The following NAMPT variants were observed in gnomAD, a reference collection of about 807,000 sequenced individuals.
NAMPT encodes the protein nicotinamide phosphoribosyltransferase.
A neutral mutation model predicts 58.7 loss-of-function variants in NAMPT; 7 were observed. That is an observed-to-expected ratio of 0.12 (90% CI 0.07 to 0.22). NAMPT has a LOEUF of 0.22. Among genes scored for constraint, NAMPT ranks in the 10% least tolerant of loss-of-function variants. NAMPT has a pLI of 1.00. For synonymous variants in NAMPT, 145 were observed against 198.1 expected (o/e 0.73, Z 2.25); for missense variants, 271 against 567.9 (o/e 0.48, Z 5.31).
intron 6 of NAMPT, among the ~76,000 whole-genome samples, chr7:106,268,179 C>T (rs1030361645): frequency 6.6e-6 from 1 of 151,986 alleles, no homozygotes; most frequent in Non-Finnish European, 1.5e-5. Context: ...AATCTACCTA[C>T]ATATGACAAT....
chr7:106,281,192 T>C (rs538001862), intron 1 of NAMPT, among the ~76,000 whole-genome samples: 6 of 151,850 alleles, frequency 4.0e-5, no homozygotes, highest in Non-Finnish European at 8.8e-5. Context: ...CAAGGCTAAA[T>C]ATCCTTGTTC....
intron 1 of NAMPT, among the ~76,000 whole-genome samples, chr7:106,279,122 A>T (rs546736540): frequency 2.6e-5 from 4 of 151,972 alleles, no homozygotes; most frequent in Admixed American, 2.6e-4. Flanking sequence ...AATATTTATA[A>T]TTTTAAAGCT....
intron 6 of NAMPT, chr7:106,268,212 T>C (rs1206470774): frequency 3.5e-6 from 1 of 285,100 alleles, no homozygotes; most frequent in African/African-American, 2.2e-5. Flanking sequence ...AAAAAATTCC[T>C]TAAAAGAAAA....
At chr7:106,276,891 G>T (rs1475671667) in intron 2 of NAMPT, 132 bp downstream of exon 2, 3 of 683,986 alleles carry the variant, frequency 4.4e-6, no homozygotes, top group Non-Finnish European at 7.2e-6. Flanking sequence ...CTCATACTTA[G>T]AACATCAAAC....
chr7:106,269,771 T>A (rs1792497243), intron 4 of NAMPT, among the ~76,000 whole-genome samples: 1 of 152,188 alleles, frequency 6.6e-6, no homozygotes, highest in Non-Finnish European at 1.5e-5. Flanking sequence ...AAATAGGGCA[T>A]GAACCAGCAT....
At chr7:106,275,081 C>A (rs780696820) in intron 2 of NAMPT, 32 bp from the exon 3 acceptor site, 2 of 1,367,094 alleles carry the variant, frequency 1.5e-6, no homozygotes, top group South Asian at 2.4e-5. Flanking sequence ...GTTTACATTT[C>A]TAAAGGTGCA....
rs1230662333 is a variant in NAMPT, at chr7:106,250,106, T to TTTTTTA, written c.*976_*977insTAAAAA. ...TAAAAAATATAACAGAATTGAAACA[T>TTTTTTA]TTAAGTACACTCACTACCCACTCCA... On this transcript the variant is annotated 3_prime_UTR_variant, in exon 11 of 11. Transcript: ENST00000222553. The TTTTTTA allele has an allele frequency of 7.2e-5, 11 of 152,448 alleles. No homozygotes were observed. Among genetic ancestry groups the TTTTTTA allele is most frequent in the African/African-American group, 1.7e-4 (7 of 41,416 alleles). 9.4% of individuals were successfully genotyped at this position (152,448 alleles called of 1,614,324 possible). A position where few individuals can be genotyped will look rare whatever the true frequency, so the allele number is the denominator to read the frequency against.
chr7:106,261,393 G>A, intron 8 of NAMPT, 195 bp downstream of exon 8: 1 of 459,868 alleles, frequency 2.2e-6, no homozygotes, highest in Non-Finnish European at 3.9e-6. Flanking sequence ...AACTGGAAGA[G>A]TAAGTATGGC....
intron 1 of NAMPT, among the ~76,000 whole-genome samples, chr7:106,278,807 TAGA>T (rs1455644286): frequency 6.6e-6 from 1 of 152,204 alleles, no homozygotes; most frequent in African/African-American, 2.4e-5. Flanking sequence ...AGTAGTGAGA[TAGA>T]AGAAAAGCAC....
rs550490870 is a variant in NAMPT at position 106,267,190 on chromosome 7, A to G, written c.743+1274T>C. Among the ~76,000 whole-genome samples the G allele has an allele frequency of 3.3e-5, 5 of 152,368 alleles. No homozygotes were observed. In the East Asian group the frequency reaches 7.7e-4, roughly 23 times the overall value. ...TTCTTGATCCTGCTAGTGAAGGAAT[A>G]TGATTCTTCCTCTCCTTCCCTTGCA... On this transcript the variant is annotated intron_variant, in intron 6 of 10. Transcript: ENST00000222553.
chr7:106,284,866 C>G lies in NAMPT; in HGVS notation c.19G>C (p.Ala7Pro). 6.3e-7 allele frequency: 1 copy of G among 1,582,606 alleles called. No homozygotes were observed. Among genetic ancestry groups the G allele is most frequent in the Non-Finnish European group, 8.6e-7 (1 of 1,163,712 alleles). ...GTGGCCAGGAGGATGTTGAACTCGGCTTCTGCCGCAGGATTCATCTCGGGC... is the reference window on the plus strand; with the variant it reads ...GTGGCCAGGAGGATGTTGAACTCGGGTTCTGCCGCAGGATTCATCTCGGGC... MNPAAE[A>P]EFNILLATDS... The change falls in exon 1 of 11, where the codon GCC becomes CCC. Residue 7 changes from alanine to proline, a missense_variant. Ala to Pro is a conservative substitution (Grantham distance 27, BLOSUM62 -1). This residue lies in a region of NAMPT where 23 missense variants were observed against 16.4 expected (regional missense o/e 1.40). Coordinates refer to ENST00000222553, the MANE Select transcript of NAMPT (RefSeq NM_005746.3).
intron 1 of NAMPT, among the ~76,000 whole-genome samples, chr7:106,279,985 G>A (rs1197626204): frequency 2.6e-5 from 4 of 152,060 alleles, no homozygotes; most frequent in Non-Finnish European, 5.9e-5. Flanking sequence ...ACACGATAAG[G>A]TCAGAGGTAG....
At chr7:106,269,059 C>A in intron 5 of NAMPT, 95 bp downstream of exon 5, 1 of 1,199,884 alleles carries the variant, frequency 8.3e-7, no homozygotes. Flanking sequence ...AATTTTAGAA[C>A]CAAGATCAAT....
At chr7:106,262,621 C>CT (rs1792326626) in intron 7 of NAMPT, among the ~76,000 whole-genome samples, 1 of 152,098 alleles carries the variant, frequency 6.6e-6, no homozygotes, top group Admixed American at 6.6e-5. Context: ...TGCTCATTAA[C>CT]TGACAAATGG....
intron 6 of NAMPT, 123 bp from the exon 7 acceptor site, chr7:106,263,740 C>G: frequency 1.3e-6 from 1 of 772,314 alleles, no homozygotes; most frequent in South Asian, 1.7e-5. Context: ...AGGTGAGTGA[C>G]TTAGTTTAAT....
At chr7:106,254,598 C>A (rs768721391) in intron 8 of NAMPT, 94 bp from the exon 9 acceptor site, 10 of 1,362,722 alleles carry the variant, frequency 7.3e-6, no homozygotes, top group African/African-American at 2.9e-5. Flanking sequence ...AATGAAGCAT[C>A]CAAGACTGTT....
intron 8 of NAMPT, among the ~76,000 whole-genome samples, chr7:106,255,233 C>A (rs1792179775): frequency 6.6e-6 from 1 of 152,148 alleles, no homozygotes; most frequent in African/African-American, 2.4e-5. Context: ...TTACCAATGT[C>A]ATTTGTATTT....
At chr7:106,285,551 G>A, upstream of NAMPT, 1 of 985,940 alleles carries the variant, frequency 1.0e-6, no homozygotes, top group Non-Finnish European at 1.2e-6. Flanking sequence ...CTTTGTCTCC[G>A]GCCTGGATTA....
chr7:106,257,045 A>G (rs1792213569), intron 8 of NAMPT, among the ~76,000 whole-genome samples: 1 of 151,894 alleles, frequency 6.6e-6, no homozygotes, highest in South Asian at 2.1e-4. Context: ...GCGTGGTGGC[A>G]CACGCCCGTA....
Sources: gnomAD v4.1 joint callset for allele counts (sites outside exome capture counted in the v4.1 genomes callset) on GRCh38, gnomAD v4.1.1 for gene constraint, gnomAD v4.1.1 regional missense constraint, MANE v1.5 for transcripts, NCBI Gene and HGNC (gene_info 2026-07-23, HGNC 2026-07-21) for gene names.